The following MYO5B variants were observed in gnomAD, a reference collection of about 807,000 sequenced individuals.
The protein encoded by MYO5B is myosin VB.
MYO5B carries 143 observed loss-of-function variants against 229.3 expected under a neutral mutation model. The observed-to-expected ratio is 0.62, with a 90% CI of 0.54 to 0.72. The LOEUF is 0.72. Ranked by LOEUF, MYO5B falls within the 30% of genes least tolerant of loss-of-function variation. The probability of loss-of-function intolerance (pLI) is 0.00; values close to 1 mark genes in which losing one functional copy is unlikely to be tolerated. For missense variants in MYO5B, 2,321 were observed against 2,331.0 expected (o/e 1.00, Z 0.09); for synonymous variants, 918 against 885.2 (o/e 1.04, Z -0.66).
intron 17 of MYO5B, among the ~76,000 whole-genome samples, chr18:49,913,434 G>A (rs2024979391): frequency 6.6e-6 from 1 of 152,118 alleles, no homozygotes; most frequent in Non-Finnish European, 1.5e-5. Flanking sequence ...CCTACTCTAA[G>A]GAGACTTTGA....
intron 34 of MYO5B, among the ~76,000 whole-genome samples, chr18:49,842,568 T>C (rs1014428705): frequency 1.3e-5 from 2 of 152,252 alleles, no homozygotes; most frequent in African/African-American, 4.8e-5. Context: ...TCCCTCTCAC[T>C]GAGGGTTCAT....
intron 1 of MYO5B, among the ~76,000 whole-genome samples, chr18:50,188,160 C>T (rs1390961929): frequency 1.3e-5 from 2 of 152,024 alleles, no homozygotes; most frequent in East Asian, 3.9e-4. Context: ...TATAATTATC[C>T]CCATATACAT....
intron 1 of MYO5B, among the ~76,000 whole-genome samples, chr18:50,136,134 G>A (rs940869447): frequency 2.0e-5 from 3 of 152,134 alleles, no homozygotes; most frequent in Non-Finnish European, 4.4e-5. Flanking sequence ...TCACATGGCC[G>A]GCTAATTCAG....
chr18:50,067,780 C>T (rs2030858733), intron 1 of MYO5B, among the ~76,000 whole-genome samples: 3 of 152,160 alleles, frequency 2.0e-5, no homozygotes, highest in African/African-American at 7.2e-5. Context: ...TGGCACCATG[C>T]TTCTTGTACA....
At chr18:49,908,975 T>C (rs1428096332) in intron 18 of MYO5B, among the ~76,000 whole-genome samples, 1 of 152,200 alleles carries the variant, frequency 6.6e-6, no homozygotes, top group East Asian at 1.9e-4. Context: ...ACTGACAGCC[T>C]AACGAAGCAG....
intron 34 of MYO5B, 145 bp downstream of exon 34, chr18:49,843,096 T>G: frequency 9.6e-7 from 1 of 1,046,976 alleles, no homozygotes; most frequent in Non-Finnish European, 1.4e-6. Context: ...CCTGGTTATA[T>G]GGATGCTTCT....
At chr18:50,006,648 A>C (rs188741915) in intron 4 of MYO5B, among the ~76,000 whole-genome samples, 7 of 151,832 alleles carry the variant, frequency 4.6e-5, no homozygotes, top group African/African-American at 1.7e-4. Flanking sequence ...AACTACTCTA[A>C]CTCCTCCTAG....
At chr18:49,880,671 A>G (rs1003280030) in intron 22 of MYO5B, among the ~76,000 whole-genome samples, 6 of 152,234 alleles carry the variant, frequency 3.9e-5, no homozygotes, top group Non-Finnish European at 8.8e-5. Context: ...ATGGTCATCT[A>G]ATGTCCACAA....
intron 18 of MYO5B, among the ~76,000 whole-genome samples, chr18:49,911,343 G>C (rs1022015572): frequency 1.3e-5 from 2 of 152,212 alleles, no homozygotes; most frequent in Non-Finnish European, 2.9e-5. Flanking sequence ...AAAAATGTTA[G>C]AGATAGTTAT....
intron 5 of MYO5B, among the ~76,000 whole-genome samples, chr18:50,000,166 C>T (rs1233234967): frequency 6.6e-6 from 1 of 152,162 alleles, no homozygotes; most frequent in Non-Finnish European, 1.5e-5. Context: ...AAAGAGGGGA[C>T]TGGGGAAAGT....
In MYO5B at chr18:49,837,914, G is replaced by A. The variant is rs1379895815; in HGVS notation, c.4853-112C>T. 6.6e-6 allele frequency: 9 copies of A among 1,371,938 alleles called. No homozygotes were observed. In the African/African-American group the frequency reaches 1.1e-4, roughly 17 times the overall value. 85.0% of individuals were successfully genotyped at this position (1,371,938 alleles called of 1,614,324 possible). A position where few individuals can be genotyped will look rare whatever the true frequency, so the allele number is the denominator to read the frequency against. On this transcript the variant is annotated intron_variant, in intron 36 of 39. Coordinates refer to ENST00000285039, the MANE Select transcript of MYO5B (RefSeq NM_001080467.3). ...TTTAGCAATGATACCATCCAGAGGTGTGCAATGTTGACATGCTTAGGAACT... is the reference window on the plus strand; with the variant it reads ...TTTAGCAATGATACCATCCAGAGGTATGCAATGTTGACATGCTTAGGAACT...
In MYO5B at chr18:50,152,847, G is replaced by C. The variant is rs2032620377; in HGVS notation, c.27+41920C>G. ...TTTTTGGTGTTCATTAAAAGAAATA[G>C]TATGTATTCTCAAAACTAAAAAAAA... On this transcript the variant is annotated intron_variant, in intron 1 of 39. Transcript: ENST00000285039. Among the ~76,000 whole-genome samples the C allele has an allele frequency of 2.5e-5, 3 of 120,676 alleles. No individual in the cohort carries two copies. In the Admixed American group the frequency reaches 2.8e-4, roughly 11 times the overall value. The allele number at this position is 120,676 out of a possible 152,430, so 79.2% of individuals were successfully genotyped here.
At chr18:49,979,031 G>C (rs2025785263) in intron 9 of MYO5B, among the ~76,000 whole-genome samples, 1 of 152,114 alleles carries the variant, frequency 6.6e-6, no homozygotes, top group Non-Finnish European at 1.5e-5. Context: ...TTCTTATCAG[G>C]GGAAAGACAC....
chr18:49,941,377 A>G (rs559815228), intron 14 of MYO5B, among the ~76,000 whole-genome samples: 9 of 152,350 alleles, frequency 5.9e-5, no homozygotes, highest in African/African-American at 1.9e-4. Context: ...GGCTGCTGAC[A>G]CCATGATTAG....
intron 29 of MYO5B, 132 bp downstream of exon 29, chr18:49,863,095 C>T (rs1028404416): frequency 4.0e-6 from 3 of 753,754 alleles, no homozygotes; most frequent in Non-Finnish European, 7.0e-6. Flanking sequence ...GTCAGTCTTT[C>T]TGTGTCCTCT....
chr18:50,155,975 A>G (rs1599063863), intron 1 of MYO5B, among the ~76,000 whole-genome samples: 2 of 152,220 alleles, frequency 1.3e-5, no homozygotes, highest in African/African-American at 4.8e-5. Flanking sequence ...CTAAGGAGAA[A>G]AATGGTGGCC....
chr18:49,824,228 AAAT>A lies in MYO5B; in HGVS notation c.*2240_*2242del, dbSNP rs1209101371. On this transcript the variant is annotated 3_prime_UTR_variant, in exon 40 of 40. Transcript: ENST00000285039. The stretch of plus-strand genomic sequence containing the variant: ...ATGCTTCTTCTAGCCTCCAAGTATT[AAAT>A]AAGACAGATCTAAATATTAACTACA... 1 of 152,296 alleles carries A rather than the reference AAAT, an allele frequency of 6.6e-6. No individual in the cohort carries two copies. The highest frequency in any genetic ancestry group is 1.5e-5 in the Non-Finnish European group (1 of 68,050). The allele number at this position is 152,296 out of a possible 1,614,324, so 9.4% of individuals were successfully genotyped here.
chr18:50,027,341 A>G (rs564962592), intron 4 of MYO5B, among the ~76,000 whole-genome samples: 1 of 152,300 alleles, frequency 6.6e-6, no homozygotes, highest in African/African-American at 2.4e-5. Flanking sequence ...ACAGAAGCCC[A>G]CACCCAGGAG....
At chr18:50,149,436 A>G (rs1319800038) in intron 1 of MYO5B, among the ~76,000 whole-genome samples, 4 of 152,074 alleles carry the variant, frequency 2.6e-5, no homozygotes, top group Admixed American at 2.6e-4. Flanking sequence ...TTCAAACTAT[A>G]CTACAAGGCT....
Sources: gnomAD v4.1 joint callset for allele counts (sites outside exome capture counted in the v4.1 genomes callset) on GRCh38, gnomAD v4.1.1 for gene constraint, MANE v1.5 for transcripts, NCBI Gene and HGNC (gene_info 2026-07-23, HGNC 2026-07-21) for gene names.